The following IKZF2 variants were observed in gnomAD, a reference collection of about 807,000 sequenced individuals.
The protein encoded by IKZF2 is zinc finger protein Helios.
A neutral mutation model predicts 49.2 loss-of-function variants in IKZF2; 15 were observed. The observed-to-expected ratio is 0.30, with a 90% confidence interval of 0.20 to 0.47. The LOEUF is 0.47. Ranked by LOEUF, IKZF2 falls within the 20% of genes least tolerant of loss-of-function variation. The probability of loss-of-function intolerance (pLI) is 1.00; values close to 1 mark genes in which losing one functional copy is unlikely to be tolerated. For missense variants in IKZF2, 567 were observed against 664.6 expected (o/e 0.85, Z 1.61); for synonymous variants, 227 against 221.4 (o/e 1.03, Z -0.23).
intron 6 of IKZF2, among the ~76,000 whole-genome samples, chr2:213,047,375 T>G (rs923283272): frequency 7.2e-5 from 11 of 152,010 alleles, no homozygotes; most frequent in Admixed American, 6.6e-5. Flanking sequence ...TGGGAGGAGT[T>G]TGGGTGTGTT....
At chr2:213,146,760 G>GGGGGC (rs1553604942) in intron 4 of IKZF2, among the ~76,000 whole-genome samples, 3 of 2,654 alleles carry the variant, frequency 1.1e-3, no homozygotes, top group Non-Finnish European at 1.8e-3. Flanking sequence ...TTAAATCTTC[G>GGGGGC]GGGGGGGGGA....
rs751009260 is a variant in IKZF2, at chr2:213,007,804, G to A, written c.1137C>T (p.Asn379=). 6.2e-7 allele frequency: 1 copy of A among 1,613,532 alleles called. No individual in the cohort carries two copies. The highest frequency in any genetic ancestry group is 1.7e-5 in the Admixed American group (1 of 59,914). ...SRETADSHEN[N]MDGPISLIRP... ...TGATGAGAGAGATGGGGCCATCCAT[G>A]TTGTTTTCATGACTATCAGCAGTTT... The change falls in exon 9 of 9, where the codon AAC becomes AAT. Residue 379 remains asparagine (N), a synonymous_variant. Transcript: ENST00000434687.
At chr2:213,102,318 G>T (rs915755416) in intron 4 of IKZF2, among the ~76,000 whole-genome samples, 2 of 152,076 alleles carry the variant, frequency 1.3e-5, no homozygotes, top group African/African-American at 2.4e-5. Flanking sequence ...TGGAGCAAAG[G>T]TAATAAGCTC....
At chr2:213,051,665 G>T (rs1433175510) in intron 5 of IKZF2, among the ~76,000 whole-genome samples, 2 of 151,730 alleles carry the variant, frequency 1.3e-5, no homozygotes, top group Non-Finnish European at 3.0e-5. Context: ...TTTAAATCAA[G>T]AATTTTCCAC....
intron 5 of IKZF2, among the ~76,000 whole-genome samples, chr2:213,053,178 T>A (rs1199126178): frequency 6.6e-6 from 1 of 152,154 alleles, no homozygotes; most frequent in Non-Finnish European, 1.5e-5. Context: ...CCATAATGAC[T>A]AATCTTTCCC....
chr2:213,078,674 G>A (rs1574754258), intron 4 of IKZF2, among the ~76,000 whole-genome samples: 1 of 152,190 alleles, frequency 6.6e-6, no homozygotes, highest in African/African-American at 2.4e-5. Flanking sequence ...AGTGAGTCCA[G>A]AAGGGTAATT....
intron 4 of IKZF2, among the ~76,000 whole-genome samples, chr2:213,061,476 C>G (rs1021744299): frequency 6.8e-6 from 1 of 147,104 alleles, no homozygotes; most frequent in Non-Finnish European, 1.5e-5. Context: ...TCTTTGCCAC[C>G]ATTGTACTTG....
intron 6 of IKZF2, among the ~76,000 whole-genome samples, chr2:213,025,196 C>T (rs553562866): frequency 6.6e-5 from 10 of 152,230 alleles, no homozygotes; most frequent in African/African-American, 2.4e-4. Flanking sequence ...GCCCTCACTG[C>T]TTCTCAGTTT....
intron 6 of IKZF2, among the ~76,000 whole-genome samples, chr2:213,038,694 A>G (rs932036302): frequency 6.6e-6 from 1 of 152,208 alleles, no homozygotes. Flanking sequence ...GAAGAAGGGA[A>G]GATAATTTAA....
At chr2:213,020,170 A>G (rs1263540593) in intron 7 of IKZF2, among the ~76,000 whole-genome samples, 2 of 152,196 alleles carry the variant, frequency 1.3e-5, no homozygotes, top group Admixed American at 6.6e-5. Context: ...TATTCCCCCA[A>G]GCTTCCATCA....
At chr2:213,130,108 T>A (rs934325187) in intron 4 of IKZF2, among the ~76,000 whole-genome samples, 1 of 152,202 alleles carries the variant, frequency 6.6e-6, no homozygotes, top group African/African-American at 2.4e-5. Context: ...CTTCTCTATT[T>A]CTTCTCTTTA....
chr2:213,074,377 T>A (rs2125514696), intron 4 of IKZF2, among the ~76,000 whole-genome samples: 1 of 152,304 alleles, frequency 6.6e-6, no homozygotes. Context: ...GCACAGCATG[T>A]TACTGTACTG....
chr2:213,055,277 A>G (rs1327950592), intron 5 of IKZF2, among the ~76,000 whole-genome samples: 1 of 152,080 alleles, frequency 6.6e-6, no homozygotes, highest in East Asian at 1.9e-4. Context: ...AACTGTCGTT[A>G]GAATTAGTTC....
At chr2:213,078,386 G>A (rs957529165) in intron 4 of IKZF2, among the ~76,000 whole-genome samples, 2 of 152,132 alleles carry the variant, frequency 1.3e-5, no homozygotes, top group Non-Finnish European at 2.9e-5. Context: ...GAGGTTATGA[G>A]AAACTCTTTT....
At position 213,001,138 on chromosome 2, in the gene IKZF2, T is replaced by C. The variant is rs191276233; in HGVS notation, c.*6222A>G. ...TTGCACTTGTACAGAAAGAAAAGAATAGTATCTTTTTAACTAATAGCAGAA... is the reference window on the plus strand; with the variant it reads ...TTGCACTTGTACAGAAAGAAAAGAACAGTATCTTTTTAACTAATAGCAGAA... On this transcript the variant is annotated 3_prime_UTR_variant, in exon 9 of 9. Transcript: ENST00000434687. The C allele has an allele frequency of 2.0e-5, 3 of 151,906 alleles. No homozygotes were observed. Among genetic ancestry groups the C allele is most frequent in the Admixed American group, 6.6e-5 (1 of 15,154 alleles). 9.4% of individuals were successfully genotyped at this position (151,906 alleles called of 1,614,324 possible). A position where few individuals can be genotyped will look rare whatever the true frequency, so the allele number is the denominator to read the frequency against.
At chr2:213,132,238 G>A (rs1351867095) in intron 4 of IKZF2, among the ~76,000 whole-genome samples, 1 of 151,520 alleles carries the variant, frequency 6.6e-6, no homozygotes, top group East Asian at 1.9e-4. Flanking sequence ...CCCTCAAGGA[G>A]TTTCCAGTCA....
intron 4 of IKZF2, chr2:213,147,318 T>C: frequency 2.6e-6 from 1 of 382,088 alleles, no homozygotes; most frequent in South Asian, 6.3e-5. Context: ...CGGTTTAGCT[T>C]TCTACCAAGG....
chr2:213,043,534 C>T (rs1699863670), intron 6 of IKZF2, among the ~76,000 whole-genome samples: 1 of 152,106 alleles, frequency 6.6e-6, no homozygotes, highest in African/African-American at 2.4e-5. Flanking sequence ...ATTATATTCC[C>T]CTTAATACTC....
Position 213,004,384 on chromosome 2 carries a change from G to A in IKZF2, c.*2976C>T, listed in dbSNP as rs1695153240. The A allele has an allele frequency of 6.6e-6, 1 of 151,696 alleles. No homozygotes were observed. Among genetic ancestry groups the A allele is most frequent in the African/African-American group, 2.4e-5 (1 of 41,348 alleles). 9.4% of individuals were successfully genotyped at this position (151,696 alleles called of 1,614,324 possible). A position where few individuals can be genotyped will look rare whatever the true frequency, so the allele number is the denominator to read the frequency against. ...GTCTTAAAAAGGTCCAATTAGAATGGCTTTTGAGCATGATTCATCACTGTC... is the reference window on the plus strand; with the variant it reads ...GTCTTAAAAAGGTCCAATTAGAATGACTTTTGAGCATGATTCATCACTGTC... On this transcript the variant is annotated 3_prime_UTR_variant, in exon 9 of 9. Transcript: ENST00000434687.
Sources: gnomAD v4.1 joint callset for allele counts (sites outside exome capture counted in the v4.1 genomes callset) on GRCh38, gnomAD v4.1.1 for gene constraint, MANE v1.5 for transcripts, NCBI Gene and HGNC (gene_info 2026-07-23, HGNC 2026-07-21) for gene names.